PUDP: variants seen among roughly 807,000 people sequenced by gnomAD.
The protein encoded by PUDP is pseudouridine 5'-phosphatase.
In PUDP, 8 loss-of-function variants were observed where a neutral mutation model predicts 9.4. The ratio of observed to expected loss-of-function variants is 0.85; its 90% CI spans 0.50 to 1.53. The LOEUF (loss-of-function observed/expected upper bound fraction) is 1.53, where lower values mean the gene tolerates loss of function less well. PUDP is among the 40% of genes most tolerant of loss of function. The pLI, the probability that PUDP is intolerant of heterozygous loss-of-function variation, is 0.00. For missense variants in PUDP, 188 were observed against 189.7 expected, an observed-to-expected ratio of 0.99 and a Z score of 0.05; for synonymous variants, 99 against 80.7, an observed-to-expected ratio of 1.23 and a Z score of -1.22.
chrX:6,879,971 C>T (rs1927321266), intron 3 of PUDP, among the ~76,000 whole-genome samples: 1 of 110,594 alleles, frequency 9.0e-6, no homozygotes, highest in African/African-American at 3.3e-5. Context: ...GCATTCCCAG[C>T]ACATTCTATA....
chrX:6,971,671 G>A (rs180935491), intron 3 of PUDP, among the ~76,000 whole-genome samples: 27 of 109,519 alleles, frequency 2.5e-4, no homozygotes, highest in Admixed American at 1.9e-3. Context: ...TGATCTGCCC[G>A]CCTCGGCCTC....
chrX:6,998,164 T>A (rs1437936767), intron 1 of PUDP, among the ~76,000 whole-genome samples: 10 of 111,589 alleles, frequency 9.0e-5, no homozygotes, highest in Non-Finnish European at 1.3e-4. Context: ...TCTCTGGCTG[T>A]CTCCTGTTGG....
intron 3 of PUDP, among the ~76,000 whole-genome samples, chrX:6,897,986 C>A (rs1055396985): frequency 3.8e-4 from 43 of 112,355 alleles, no homozygotes; most frequent in Admixed American, 3.8e-3. Context: ...GTAAACCCTG[C>A]ATGGAGAGAA....
At chrX:6,990,023 T>C (rs1330186216) in intron 1 of PUDP, among the ~76,000 whole-genome samples, 1 of 109,638 alleles carries the variant, frequency 9.1e-6, no homozygotes, top group African/African-American at 3.3e-5. Context: ...ATTACTTCCT[T>C]CCCTCCCAAC....
chrX:6,903,907 T>C (rs1927727597), intron 3 of PUDP, among the ~76,000 whole-genome samples: 1 of 109,315 alleles, frequency 9.1e-6, no homozygotes, highest in Non-Finnish European at 1.9e-5. Flanking sequence ...TATACTCATG[T>C]AACAAACATG....
chrX:6,894,913 A>C (rs1927566381), intron 3 of PUDP, among the ~76,000 whole-genome samples: 1 of 111,631 alleles, frequency 9.0e-6, no homozygotes, highest in African/African-American at 3.3e-5. Context: ...TCCAAAGTGC[A>C]CGTTTCAACA....
intron 1 of PUDP, among the ~76,000 whole-genome samples, chrX:7,026,625 C>T (rs1929714324): frequency 9.0e-6 from 1 of 111,417 alleles, no homozygotes; most frequent in Admixed American, 9.5e-5. Flanking sequence ...GATGCCCACC[C>T]TCCTACCACC....
At chrX:6,920,413 C>T (rs987733547) in intron 3 of PUDP, among the ~76,000 whole-genome samples, 21 of 111,141 alleles carry the variant, frequency 1.9e-4, no homozygotes, top group African/African-American at 6.2e-4. Flanking sequence ...TACCTTTCAT[C>T]CTCAACTCTT....
intron 3 of PUDP, among the ~76,000 whole-genome samples, chrX:6,881,393 G>A (rs373035623): frequency 4.7e-4 from 53 of 111,722 alleles, no homozygotes; most frequent in African/African-American, 1.6e-3. Context: ...ATCTTTTACT[G>A]GAATTATAAA....
At chrX:6,752,152 A>G (rs112057410) in intron 3 of PUDP, among the ~76,000 whole-genome samples, 431 of 111,452 alleles carry the variant, frequency 3.9e-3, no homozygotes, top group African/African-American at 0.013. Context: ...TTTAAACCCC[A>G]TATCACTTCA....
chrX:7,098,378 A>G (rs192011347), intron 2 of PUDP, among the ~76,000 whole-genome samples: 91 of 111,656 alleles, frequency 8.2e-4, no homozygotes, highest in African/African-American at 2.8e-3. Flanking sequence ...TCCTCAGGTG[A>G]CAGAGGAATG....
chrX:6,853,309 G>T (rs930662618), intron 3 of PUDP, among the ~76,000 whole-genome samples: 3 of 110,805 alleles, frequency 2.7e-5, no homozygotes, highest in Non-Finnish European at 5.7e-5. Context: ...CTCTCACATG[G>T]AACATAGTCA....
chrX:6,714,392 G>GA (rs1222820770), intron 1 of PUDP, among the ~76,000 whole-genome samples: 1 of 111,791 alleles, frequency 8.9e-6, no homozygotes, highest in African/African-American at 3.3e-5. Flanking sequence ...TAGAAAGGTA[G>GA]ATAACAAGGT....
chrX:6,767,117 C>G (rs1432360965), intron 3 of PUDP, among the ~76,000 whole-genome samples: 1 of 112,905 alleles, frequency 8.9e-6, no homozygotes, highest in East Asian at 2.8e-4. Flanking sequence ...ACATTCGTAA[C>G]TAGAAAAATT....
intron 1 of PUDP, among the ~76,000 whole-genome samples, chrX:6,708,558 T>C (rs988643481): frequency 8.9e-6 from 1 of 112,337 alleles, no homozygotes. Context: ...ACCGCTCACA[T>C]CAACTAGATT....
At chrX:6,809,956 T>C (rs763549922) in intron 3 of PUDP, among the ~76,000 whole-genome samples, 1 of 110,728 alleles carries the variant, frequency 9.0e-6, no homozygotes, top group East Asian at 2.9e-4. Context: ...GGCATGCACC[T>C]GTGGTCCCAG....
intron 3 of PUDP, among the ~76,000 whole-genome samples, chrX:6,965,183 G>A (rs138258394): frequency 0.054 from 6,070 of 111,797 alleles, 152 homozygotes; most frequent in Middle Eastern, 0.13. Flanking sequence ...CATGAGAGCA[G>A]CGATTTATTT....
intron 2 of PUDP, among the ~76,000 whole-genome samples, chrX:7,079,883 T>G (rs1482003854): frequency 2.7e-5 from 3 of 111,766 alleles, no homozygotes; most frequent in Non-Finnish European, 5.6e-5. Flanking sequence ...ATTGAAAACC[T>G]GAAAGAAAGA....
At chrX:6,904,817 C>T (rs979423118) in intron 3 of PUDP, among the ~76,000 whole-genome samples, 2 of 112,342 alleles carry the variant, frequency 1.8e-5, no homozygotes, top group African/African-American at 6.5e-5. Flanking sequence ...GGTGTCCATG[C>T]GAGGCAGCCC....
Sources: gnomAD v4.1 joint callset for allele counts (sites outside exome capture counted in the v4.1 genomes callset) on GRCh38, gnomAD v4.1.1 for gene constraint, MANE v1.5 for transcripts, NCBI Gene and HGNC (gene_info 2026-07-23, HGNC 2026-07-21) for gene names.